The following ZBTB38 variants were observed in gnomAD, a reference collection of about 807,000 sequenced individuals.
ZBTB38 encodes the protein zinc finger and BTB domain-containing protein 38.
In ZBTB38, 20 loss-of-function variants were observed where a neutral mutation model predicts 76.8. The observed-to-expected ratio is 0.26, with a 90% CI of 0.18 to 0.38. The LOEUF (loss-of-function observed/expected upper bound fraction) is 0.38, where lower values mean the gene tolerates loss of function less well. Among genes scored for constraint, ZBTB38 ranks in the 10% least tolerant of loss-of-function variants. The pLI is 1.00. For missense variants in ZBTB38, 1,082 were observed against 1,482.3 expected (o/e 0.73, Z 4.43); for synonymous variants, 504 against 544.2 (o/e 0.93, Z 1.03).
At chr3:141,326,742 CTTTA>C (rs1417991631) in intron 1 of ZBTB38, among the ~76,000 whole-genome samples, 3 of 152,130 alleles carry the variant, frequency 2.0e-5, no homozygotes, top group African/African-American at 4.8e-5. Flanking sequence ...CAAAGTAGGA[CTTTA>C]TTTATCTATA....
intron 4 of ZBTB38, among the ~76,000 whole-genome samples, chr3:141,393,912 G>C (rs1041592593): frequency 2.6e-5 from 4 of 152,158 alleles, no homozygotes; most frequent in African/African-American, 9.7e-5. Context: ...GCCCCACGTT[G>C]GCGATTGTGA....
chr3:141,337,861 A>G (rs1231310784), intron 1 of ZBTB38, among the ~76,000 whole-genome samples: 1 of 152,224 alleles, frequency 6.6e-6, no homozygotes, highest in Admixed American at 6.5e-5. Flanking sequence ...TAATTTGTCT[A>G]AGGCAAATCA....
In ZBTB38 at chr3:141,445,517, C is replaced by T. The variant is rs755466274; in HGVS notation, c.3129C>T (p.Cys1043=). Residue 1043 remains cysteine (C), a synonymous_variant, in exon 6 of 6, where the codon TGC becomes TGT. Coordinates refer to ENST00000321464, the MANE Select transcript of ZBTB38 (RefSeq NM_001376113.1). This position sits in a 1 kb window ranked among gnomAD's most constrained non-coding sequence, Gnocchi z 6.5. The part of the protein sequence containing the change: ...TGEKPYQCKT[C]GRCFSVQGNL... ...AGAAGCCATACCAGTGCAAGACCTG[C>T]GGACGGTGCTTTTCGGTGCAAGGAA... The T allele has an allele frequency of 1.2e-5, 20 of 1,614,178 alleles. No individual in the cohort carries two copies. The East Asian group carries it at 1.8e-4, about 14-fold the overall frequency.
upstream of ZBTB38, chr3:141,366,326 A>G (rs1189354490): frequency 6.6e-6 from 1 of 152,256 alleles, no homozygotes; most frequent in South Asian, 2.1e-4. Flanking sequence ...AAGCAAGGCC[A>G]CTGAGTCTTT....
At chr3:141,402,155 G>C (rs928256114) in intron 4 of ZBTB38, among the ~76,000 whole-genome samples, 10 of 152,180 alleles carry the variant, frequency 6.6e-5, no homozygotes, top group African/African-American at 2.2e-4. Flanking sequence ...CTGGCCACTG[G>C]GTCGGGCATG....
chr3:141,403,783 G>A (rs1309164236), intron 4 of ZBTB38, 144 bp from the exon 5 acceptor site: 1 of 152,224 alleles, frequency 6.6e-6, no homozygotes, highest in Non-Finnish European at 1.5e-5. Context: ...TTGTTATGAA[G>A]ACAACACGAA....
At chr3:141,393,061 C>G (rs577001964) in intron 4 of ZBTB38, among the ~76,000 whole-genome samples, 2 of 152,190 alleles carry the variant, frequency 1.3e-5, no homozygotes, top group African/African-American at 4.8e-5. Flanking sequence ...ACTGAACACT[C>G]CCTATGTTTG....
chr3:141,328,442 C>A (rs1942743359), intron 1 of ZBTB38, among the ~76,000 whole-genome samples: 1 of 152,170 alleles, frequency 6.6e-6, no homozygotes, highest in Non-Finnish European at 1.5e-5. Flanking sequence ...TGAATGATGT[C>A]ACCACCCCCT....
In ZBTB38 at chr3:141,413,975, C is replaced by T. The variant is rs16851393; in HGVS notation, c.-1+9944C>T. ...TCTCAACACCTGTTCTTCATTAGGA[C>T]GGAGCACTCTGAGAGTTTTGAAAAC... On this transcript the variant is annotated intron_variant, in intron 5 of 5. Coordinates refer to ENST00000321464, the MANE Select transcript of ZBTB38 (RefSeq NM_001376113.1). The surrounding 1 kb of genome is among the most constrained non-coding windows in gnomAD (Gnocchi z 4.1). 1.4e-3 allele frequency among the ~76,000 whole-genome samples: 211 copies of T among 152,320 alleles called. 1 individual carries two copies. The highest frequency in any genetic ancestry group is 0.011 in the Admixed American group (168 of 15,306).
At chr3:141,428,662 G>A (rs947589774) in intron 5 of ZBTB38, among the ~76,000 whole-genome samples, 2 of 152,130 alleles carry the variant, frequency 1.3e-5, no homozygotes, top group Non-Finnish European at 2.9e-5. Flanking sequence ...TTTTAGTAGA[G>A]ACGGGGTTTC....
At chr3:141,385,788 G>A (rs1420779702) in intron 3 of ZBTB38, 1 of 151,976 alleles carries the variant, frequency 6.6e-6, no homozygotes, top group African/African-American at 2.4e-5. Flanking sequence ...TCTGCAGAAG[G>A]TGATTCCAAT....
chr3:141,400,853 G>T (rs1335665828), intron 4 of ZBTB38, among the ~76,000 whole-genome samples: 1 of 152,200 alleles, frequency 6.6e-6, no homozygotes, highest in Non-Finnish European at 1.5e-5. Flanking sequence ...GCCTAAAGTG[G>T]CCTTGTAAGC....
intron 5 of ZBTB38, among the ~76,000 whole-genome samples, chr3:141,410,456 T>G (rs143271248): frequency 6.6e-6 from 1 of 152,178 alleles, no homozygotes; most frequent in Non-Finnish European, 1.5e-5. Context: ...GCCACATCAT[T>G]AGTGGCAAAG....
chr3:141,444,340 AG>A lies in ZBTB38; in HGVS notation c.1955del (p.Gly652ValfsTer9). Reference sequence around the variant, plus strand: ...ACTTCTGCCAATGTACAAAATGCAGAGGGTACCAAATGGGGAGAGGAGGCAT... The same window carrying A: ...ACTTCTGCCAATGTACAAAATGCAGAGGTACCAAATGGGGAGAGGAGGCAT... ...IPTSANVQNA[E>X]GTKWGEEALK... On this transcript the variant is annotated frameshift_variant, in exon 6 of 6. Transcript: ENST00000321464. LOFTEE classifies it high-confidence loss of function. The surrounding 1 kb of genome is among the most constrained non-coding windows in gnomAD (Gnocchi z 5.1). 1.2e-6 allele frequency: 2 copies of A among 1,614,222 alleles called. No homozygotes were observed. Among genetic ancestry groups the A allele is most frequent in the Non-Finnish European group, 1.7e-6 (2 of 1,180,040 alleles).
At chr3:141,411,695 A>G (rs1956710841) in intron 5 of ZBTB38, among the ~76,000 whole-genome samples, 1 of 152,208 alleles carries the variant, frequency 6.6e-6, no homozygotes, top group South Asian at 2.1e-4. Flanking sequence ...TGTGCTAACT[A>G]GGGAAAGAAA....
At chr3:141,364,930 A>G (rs1943921629), upstream of ZBTB38, among the ~76,000 whole-genome samples, 1 of 152,198 alleles carries the variant, frequency 6.6e-6, no homozygotes, top group Admixed American at 6.6e-5. Context: ...GAACCCTCAT[A>G]AATTGCTAGT....
intron 3 of ZBTB38, among the ~76,000 whole-genome samples, chr3:141,385,672 G>T (rs558673307): frequency 2.0e-5 from 3 of 151,906 alleles, no homozygotes; most frequent in Non-Finnish European, 2.9e-5. Flanking sequence ...GTGTGTGTGT[G>T]TGTGTGTGCG....
intron 1 of ZBTB38, among the ~76,000 whole-genome samples, chr3:141,360,631 C>T (rs57681501): frequency 1.3e-5 from 2 of 152,216 alleles, no homozygotes; most frequent in East Asian, 1.9e-4. Context: ...CTGTCAAAAG[C>T]TGTGAATAAG....
rs1307890298 is a variant in ZBTB38, at chr3:141,448,113, T to C, written c.*2137T>C. The C allele has an allele frequency of 9.2e-5, 14 of 152,610 alleles. No homozygotes were observed. The highest frequency in any genetic ancestry group is 9.2e-4 in the Admixed American group (14 of 15,284). The allele number at this position is 152,610 out of a possible 1,614,324, so 9.5% of individuals were successfully genotyped here. A position where few individuals can be genotyped will look rare whatever the true frequency, so the allele number is the denominator to read the frequency against. On this transcript the variant is annotated 3_prime_UTR_variant, in exon 6 of 6. Transcript: ENST00000321464. ...CAGTTAATAATATTAATCAAAGACA[T>C]TTACTGTATATTCTAGTCATTTTGA...
Sources: gnomAD v4.1 joint callset for allele counts (sites outside exome capture counted in the v4.1 genomes callset) on GRCh38, gnomAD v4.1.1 for gene constraint, Gnocchi (gnomAD v3.1) non-coding constraint, MANE v1.5 for transcripts, NCBI Gene and HGNC (gene_info 2026-07-23, HGNC 2026-07-21) for gene names.